MORC1: variants seen among roughly 807,000 people sequenced by gnomAD.
MORC1 encodes MORC family CW-type zinc finger 1, also known as MORC family CW-type zinc finger protein 1.
MORC1 carries 59 observed loss-of-function variants against 134.9 expected under a neutral mutation model. That is an observed-to-expected ratio of 0.44 (90% CI 0.35 to 0.54). MORC1 has a LOEUF of 0.54. Among genes scored for constraint, MORC1 ranks in the 20% least tolerant of loss-of-function variants. The probability of loss-of-function intolerance (pLI) is 0.00; values close to 1 mark genes in which losing one functional copy is unlikely to be tolerated. For synonymous variants in MORC1, 395 were observed against 391.7 expected, an observed-to-expected ratio of 1.01 and a Z score of -0.10; for missense variants, 947 against 1,134.5, an observed-to-expected ratio of 0.83 and a Z score of 2.37.
chr3:109,000,790 T>G, intron 20 of MORC1, 132 bp from the exon 21 acceptor site: 1 of 637,218 alleles, frequency 1.6e-6, no homozygotes, highest in African/African-American at 1.8e-5. Flanking sequence ...AAATTCAATT[T>G]CCGATCTTTG....
intron 14 of MORC1, among the ~76,000 whole-genome samples, chr3:109,051,189 T>C (rs1446397657): frequency 6.6e-6 from 1 of 152,208 alleles, no homozygotes; most frequent in African/African-American, 2.4e-5. Flanking sequence ...CAAAAGTAAA[T>C]GTAGATTTGA....
intron 8 of MORC1, among the ~76,000 whole-genome samples, chr3:109,081,405 G>C (rs1031482190): frequency 6.6e-6 from 1 of 151,074 alleles, no homozygotes; most frequent in Non-Finnish European, 1.5e-5. Context: ...AAAGTTTCCA[G>C]AGCATAGTGA....
intron 21 of MORC1, 101 bp from the exon 22 acceptor site, chr3:108,987,050 T>A: frequency 3.7e-6 from 3 of 814,258 alleles, no homozygotes; most frequent in Non-Finnish European, 1.8e-6. Flanking sequence ...AGAAAAGAAA[T>A]CATAATGTTA....
At chr3:109,003,282 C>G (rs558008503) in intron 20 of MORC1, among the ~76,000 whole-genome samples, 1 of 137,158 alleles carries the variant, frequency 7.3e-6, no homozygotes, top group South Asian at 2.3e-4. Flanking sequence ...TATATACACA[C>G]ACAGACACAT....
chr3:109,030,710 C>A (rs1474445001), intron 16 of MORC1, among the ~76,000 whole-genome samples: 1 of 152,198 alleles, frequency 6.6e-6, no homozygotes, highest in African/African-American at 2.4e-5. Flanking sequence ...TCTAGCCACT[C>A]ATCACAAGTG....
chr3:108,987,436 A>G (rs796152709), intron 21 of MORC1, among the ~76,000 whole-genome samples: 6 of 152,242 alleles, frequency 3.9e-5, no homozygotes, highest in African/African-American at 1.2e-4. Context: ...AGCATAATAG[A>G]TAAGAAGATG....
intron 8 of MORC1, among the ~76,000 whole-genome samples, chr3:109,085,646 G>A (rs1406741854): frequency 4.6e-5 from 7 of 152,006 alleles, no homozygotes; most frequent in Admixed American, 2.0e-4. Flanking sequence ...GGGAACCCTC[G>A]GATGCTGTTG....
At chr3:108,974,934 G>T (rs191253562) in intron 24 of MORC1, among the ~76,000 whole-genome samples, 9 of 152,338 alleles carry the variant, frequency 5.9e-5, no homozygotes, top group Admixed American at 2.6e-4. Context: ...AGTTAAGTGA[G>T]CTGAACCACT....
chr3:109,057,293 T>C (rs555397515), intron 13 of MORC1, 50 bp downstream of exon 13: 9 of 1,556,474 alleles, frequency 5.8e-6, no homozygotes, highest in South Asian at 1.3e-5. Flanking sequence ...AGAATCTTAC[T>C]GTAACATCCC....
intron 17 of MORC1, among the ~76,000 whole-genome samples, chr3:109,023,354 A>C (rs1028065817): frequency 2.6e-5 from 4 of 152,284 alleles, no homozygotes; most frequent in Admixed American, 6.5e-5. Flanking sequence ...CTGTAGGCCA[A>C]GAAATGTATA....
intron 8 of MORC1, among the ~76,000 whole-genome samples, chr3:109,087,142 A>G (rs945014643): frequency 2.0e-5 from 3 of 149,664 alleles, no homozygotes; most frequent in African/African-American, 2.5e-5. Flanking sequence ...CTGCCCCCCA[A>G]ATTAATGCCT....
rs1559873409 is a variant in MORC1, at chr3:108,986,901, CCTTT to C, written c.2232_2235del (p.Glu746PhefsTer4). Reference sequence around the variant, plus strand: ...TTACCTTGGTTTAAAAGAGGAATTTCCTTTTTTTCTTGTTTCAATGAAACATCAG... The same window carrying C: ...TTACCTTGGTTTAAAAGAGGAATTTCTTTTCTTGTTTCAATGAAACATCAG... On this transcript the variant is annotated frameshift_variant, in exon 22 of 28. Transcript: ENST00000232603. LOFTEE classifies it high-confidence loss of function. The C allele has an allele frequency of 6.4e-7, 1 of 1,569,824 alleles. No individual in the cohort carries two copies. The highest frequency in any genetic ancestry group is 1.9e-5 in the Admixed American group (1 of 51,828).
intron 16 of MORC1, among the ~76,000 whole-genome samples, chr3:109,031,938 A>C (rs976683105): frequency 1.3e-5 from 2 of 152,196 alleles, no homozygotes; most frequent in African/African-American, 4.8e-5. Flanking sequence ...ATTTTTCTTC[A>C]GTCTCTAAAT....
chr3:109,077,920 T>G (rs868681158), intron 8 of MORC1, among the ~76,000 whole-genome samples: 10 of 151,874 alleles, frequency 6.6e-5, no homozygotes, highest in Middle Eastern at 6.8e-3. Flanking sequence ...AAATACACAG[T>G]AGGAAAATGT....
intron 15 of MORC1, 79 bp downstream of exon 15, chr3:109,035,261 T>G: frequency 7.6e-7 from 1 of 1,317,490 alleles, no homozygotes; most frequent in South Asian, 1.4e-5. Context: ...GTCTCCCTCA[T>G]CCCTCATTTC....
At chr3:109,024,156 T>C (rs1456927164) in intron 17 of MORC1, among the ~76,000 whole-genome samples, 1 of 152,226 alleles carries the variant, frequency 6.6e-6, no homozygotes, top group Non-Finnish European at 1.5e-5. Context: ...ATTTGCAATA[T>C]ATAAGTTTGT....
chr3:108,960,177 G>T (rs2593934), intron 27 of MORC1, among the ~76,000 whole-genome samples: 52,609 of 152,092 alleles, frequency 0.35, 9,522 homozygotes, highest in Middle Eastern at 0.49. Context: ...TCTTGTTCAT[G>T]CTCTAACTGG....
intron 27 of MORC1, among the ~76,000 whole-genome samples, chr3:108,961,321 G>T (rs1326853066): frequency 6.6e-6 from 1 of 152,196 alleles, no homozygotes; most frequent in Non-Finnish European, 1.5e-5. Context: ...TGTTCCTACA[G>T]ATGGATTACA....
At position 108,958,551 on chromosome 3, in the gene MORC1, C is replaced by T. The variant is rs923330058; in HGVS notation, c.*414G>A. 6.6e-6 allele frequency: 1 copy of T among 152,050 alleles called. No individual in the cohort carries two copies. The highest frequency in any genetic ancestry group is 2.4e-5 in the African/African-American group (1 of 41,398). The allele number at this position is 152,050 out of a possible 1,614,324, so 9.4% of individuals were successfully genotyped here. The stretch of plus-strand genomic sequence containing the variant: ...TAATGTCTTTCTTTTTCAATATCTT[C>T]AAGAGGAGGTGATTCTGTAGTCCTT... On this transcript the variant is annotated 3_prime_UTR_variant, in exon 28 of 28. Coordinates refer to ENST00000232603, the MANE Select transcript of MORC1 (RefSeq NM_014429.4).
Sources: allele counts gnomAD v4.1 joint callset (sites outside exome capture counted in the v4.1 genomes callset), GRCh38; gene constraint gnomAD v4.1.1; transcripts MANE v1.5; gene names NCBI Gene and HGNC (gene_info 2026-07-23, HGNC 2026-07-21).